Variants in KY observed in about 807,000 individuals in gnomAD.
KY encodes the protein kyphoscoliosis peptidase.
A neutral mutation model predicts 76.1 loss-of-function variants in KY; 43 were observed. The ratio of observed to expected loss-of-function variants is 0.57; its 90% confidence interval spans 0.44 to 0.73. The LOEUF is 0.73. Ranked by LOEUF, KY falls within the 30% of genes least tolerant of loss-of-function variation. KY has a pLI of 0.00. For missense variants in KY, 722 were observed against 828.9 expected (o/e 0.87, Z 1.58); for synonymous variants, 277 against 326.2 (o/e 0.85, Z 1.63).
chr3:134,615,937 AC>A (rs1560110627), intron 8 of KY, among the ~76,000 whole-genome samples: 2 of 152,140 alleles, frequency 1.3e-5, no homozygotes, highest in African/African-American at 4.8e-5. Flanking sequence ...ATTGGTGACA[AC>A]CAACTCCCTC....
intron 6 of KY, among the ~76,000 whole-genome samples, chr3:134,622,209 A>G (rs1194000782): frequency 6.6e-6 from 1 of 152,246 alleles, no homozygotes. Flanking sequence ...TTTCAGTCCA[A>G]GGTACGCAAC....
intron 1 of KY, 21 bp downstream of exon 1, chr3:134,650,804 C>T: frequency 1.3e-6 from 2 of 1,553,660 alleles, no homozygotes; most frequent in South Asian, 1.2e-5. Flanking sequence ...GACCCGGGGA[C>T]CCGGGTCGGG....
At chr3:134,608,907 C>A (rs755861758) in intron 9 of KY, 68 bp from the exon 10 acceptor site, 1 of 1,528,530 alleles carries the variant, frequency 6.5e-7, no homozygotes, top group African/African-American at 1.4e-5. Context: ...ATACACCCAC[C>A]GGAGTGGTCC....
rs1247235243 is a variant in KY at position 134,642,322 on chromosome 3, A to G, written c.262+994T>C. Among the ~76,000 whole-genome samples, 3 of 152,314 alleles carry G rather than the reference A, an allele frequency of 2.0e-5. 1 individual carries two copies. Among genetic ancestry groups the G allele is most frequent in the East Asian group, 1.9e-4 (1 of 5,182 alleles). On this transcript the variant is annotated intron_variant, in intron 3 of 10. Transcript: ENST00000423778. ...AATCACTGCCTCTGAATTTGATCAG[A>G]TAATTTCCTTATAGGTTAGGACATC...
Position 134,601,983 on chromosome 3 carries a change from T to TTATCAAGGCAC in KY, c.*1595_*1596insGTGCCTTGATA, listed in dbSNP as rs11273880. ...CCTCTGTAGCCCAAGCATCTGGTAC[T>TTATCAAGGCAC]TCTGTGAGCATTTGTTGGATACAGG... On this transcript the variant is annotated 3_prime_UTR_variant, in exon 11 of 11. Coordinates refer to ENST00000423778, the MANE Select transcript of KY (RefSeq NM_178554.6). Among the ~76,000 whole-genome samples, 1 of 152,176 alleles carries TTATCAAGGCAC rather than the reference T, an allele frequency of 6.6e-6. No individual in the cohort carries two copies. Among genetic ancestry groups the TTATCAAGGCAC allele is most frequent in the Non-Finnish European group, 1.5e-5 (1 of 68,032 alleles).
chr3:134,604,223 G>C lies in KY; in HGVS notation c.1342C>G (p.Leu448Val). The part of the protein sequence containing the change: ...VDMGVQLPAE[L>V]HQPVGPSWFS... Reference sequence around the variant, plus strand: ...CAGCTGGGGCCCACGGGCTGGTGAAGCTCAGCAGGCAGCTGGACACCCATG... The same window carrying C: ...CAGCTGGGGCCCACGGGCTGGTGAACCTCAGCAGGCAGCTGGACACCCATG... The change falls in exon 11 of 11, where the codon CTT becomes GTT. Residue 448 changes from leucine (L) to valine (V), a missense_variant. By Grantham distance (32) the Leu-to-Val change is conservative. Around this residue, in one of 2 missense-constraint regions of KY, gnomAD observed 552 missense variants for 680.9 expected, o/e 0.81. Transcript: ENST00000423778. 1 of 1,613,394 alleles carries C rather than the reference G, an allele frequency of 6.2e-7. No individual in the cohort carries two copies. Among genetic ancestry groups the C allele is most frequent in the African/African-American group, 1.3e-5 (1 of 75,062 alleles).
At chr3:134,612,687 CT>C (rs1374425428) in intron 8 of KY, among the ~76,000 whole-genome samples, 1 of 151,796 alleles carries the variant, frequency 6.6e-6, no homozygotes, top group African/African-American at 2.4e-5. Context: ...AGCAGTGCCC[CT>C]GACACGATGT....
chr3:134,644,812 A>T (rs907976563), intron 2 of KY, among the ~76,000 whole-genome samples: 1 of 152,224 alleles, frequency 6.6e-6, no homozygotes, highest in African/African-American at 2.4e-5. Context: ...TGCCCTGGAA[A>T]GCCTGCCTCC....
chr3:134,626,240 G>A (rs1041754771), intron 5 of KY, among the ~76,000 whole-genome samples: 8 of 152,254 alleles, frequency 5.3e-5, no homozygotes, highest in Non-Finnish European at 1.0e-4. Context: ...GCCTCTGGGT[G>A]CTGGGCAAGT....
intron 7 of KY, chr3:134,620,128 G>C (rs925604577): frequency 1.3e-5 from 2 of 152,408 alleles, no homozygotes; most frequent in Non-Finnish European, 2.9e-5. Flanking sequence ...AGGCGGCAAG[G>C]GGCAGCATCC....
In KY at chr3:134,620,786, C is replaced by A; in HGVS notation, c.555G>T (p.Arg185Ser). Residue 185 changes from arginine to serine, a missense_variant, in exon 7 of 11, where the codon AGG becomes AGT. By Grantham distance (110) the Arg-to-Ser change is moderately radical. Coordinates refer to ENST00000423778, the MANE Select transcript of KY (RefSeq NM_178554.6). ...AGATCCAGATCCAGATGGCGCGGAC[C>A]CTTTCCAGGTCAGTGTGGGCCTCCT... The part of the protein sequence containing the change: ...LLQEAHTDLE[R>S]VRAIWIWICH... The A allele has an allele frequency of 2.5e-6, 4 of 1,613,714 alleles. No individual in the cohort carries two copies. The highest frequency in any genetic ancestry group is 1.1e-5 in the South Asian group (1 of 90,978).
chr3:134,624,476 T>G (rs1963150865), intron 6 of KY, among the ~76,000 whole-genome samples: 1 of 152,230 alleles, frequency 6.6e-6, no homozygotes, highest in Non-Finnish European at 1.5e-5. Context: ...ACCTTGTTCC[T>G]CCTATCAGAC....
intron 8 of KY, chr3:134,612,956 G>C (rs1305491103): frequency 6.6e-6 from 1 of 152,574 alleles, no homozygotes; most frequent in Non-Finnish European, 1.5e-5. Context: ...GTGTTACTTT[G>C]AGAATTGGAA....
At chr3:134,646,651 A>G (rs1406418121) in intron 2 of KY, among the ~76,000 whole-genome samples, 1 of 152,090 alleles carries the variant, frequency 6.6e-6, no homozygotes, top group Non-Finnish European at 1.5e-5. Flanking sequence ...TTCATCTGCA[A>G]TCCTATTTCC....
chr3:134,632,599 C>A (rs1964381585), intron 3 of KY, among the ~76,000 whole-genome samples: 1 of 151,728 alleles, frequency 6.6e-6, no homozygotes, highest in African/African-American at 2.4e-5. Context: ...TGAGATGAAG[C>A]CAAAGCAGTG....
At chr3:134,624,991 G>T in intron 6 of KY, 62 bp downstream of exon 6, 1 of 1,424,208 alleles carries the variant, frequency 7.0e-7, no homozygotes, top group Non-Finnish European at 9.7e-7. Flanking sequence ...GAGAGGTTTT[G>T]CTGCCCTAGA....
chr3:134,603,717 G>A lies in KY; in HGVS notation c.1848C>T (p.Pro616=). Residue 616 remains proline, a synonymous_variant, in exon 11 of 11, where the codon CCC becomes CCT. Coordinates refer to ENST00000423778, the MANE Select transcript of KY (RefSeq NM_178554.6). The part of the protein sequence containing the change: ...KVLVKGQDTW[P]LTLNHEGYWE... Reference sequence around the variant, plus strand: ...AGTAGCCCTCGTGGTTCAGGGTCAGGGGCCATGTGTCCTGCCCCTTCACCA... The same window carrying A: ...AGTAGCCCTCGTGGTTCAGGGTCAGAGGCCATGTGTCCTGCCCCTTCACCA... 6.2e-7 allele frequency: 1 copy of A among 1,613,778 alleles called. No individual in the cohort carries two copies. The highest frequency in any genetic ancestry group is 1.1e-5 in the South Asian group (1 of 91,038).
intron 2 of KY, among the ~76,000 whole-genome samples, chr3:134,644,528 C>T (rs1966195686): frequency 6.6e-6 from 1 of 152,270 alleles, no homozygotes; most frequent in East Asian, 1.9e-4. Flanking sequence ...CTGGAGGTTC[C>T]CCCACCACTA....
intron 1 of KY, among the ~76,000 whole-genome samples, chr3:134,650,268 C>T (rs982592058): frequency 6.6e-6 from 1 of 152,332 alleles, no homozygotes; most frequent in African/African-American, 2.4e-5. Context: ...CTTACCCTAT[C>T]CAAACCTGCG....
Sources: allele counts gnomAD v4.1 joint callset (sites outside exome capture counted in the v4.1 genomes callset), GRCh38; gene constraint gnomAD v4.1.1; regional missense constraint gnomAD v4.1.1; transcripts MANE v1.5; gene names NCBI Gene and HGNC (gene_info 2026-07-23, HGNC 2026-07-21).